ANTXR1: variants seen among roughly 807,000 people sequenced by gnomAD.
ANTXR1 encodes the protein anthrax toxin receptor 1.
ANTXR1 carries 19 observed loss-of-function variants against 78.1 expected under a neutral mutation model. The observed-to-expected ratio is 0.24, with a 90% confidence interval of 0.17 to 0.36. The LOEUF (loss-of-function observed/expected upper bound fraction) is 0.36. Among genes scored for constraint, ANTXR1 ranks in the 10% least tolerant of loss-of-function variants. The probability of loss-of-function intolerance (pLI) is 1.00; values close to 1 mark genes in which losing one functional copy is unlikely to be tolerated. For synonymous variants in ANTXR1, 273 were observed against 260.5 expected, an observed-to-expected ratio of 1.05 and a Z score of -0.46; for missense variants, 518 against 718.6, an observed-to-expected ratio of 0.72 and a Z score of 3.19.
intron 3 of ANTXR1, among the ~76,000 whole-genome samples, chr2:69,068,438 T>C (rs1284449727): frequency 6.6e-6 from 1 of 152,214 alleles, no homozygotes; most frequent in Non-Finnish European, 1.5e-5. Flanking sequence ...AACTTGGGAC[T>C]GAAGGCTGGA....
chr2:69,090,084 A>C (rs969341841), intron 8 of ANTXR1, among the ~76,000 whole-genome samples: 3 of 152,052 alleles, frequency 2.0e-5, no homozygotes, highest in Non-Finnish European at 4.4e-5. Flanking sequence ...ATTTCCATTT[A>C]ACTAAGTCTC....
At chr2:69,138,120 G>GA (rs910864191) in intron 12 of ANTXR1, among the ~76,000 whole-genome samples, 11 of 148,106 alleles carry the variant, frequency 7.4e-5, no homozygotes, top group South Asian at 4.4e-4. Context: ...AAAGAAAAAA[G>GA]AAAAAAAAAT....
chr2:69,228,885 G>A (rs1225496359), intron 17 of ANTXR1, among the ~76,000 whole-genome samples: 1 of 152,134 alleles, frequency 6.6e-6, no homozygotes, highest in African/African-American at 2.4e-5. Context: ...TGGACTGTGG[G>A]CCTTAAACAA....
At chr2:69,091,034 T>A in intron 9 of ANTXR1, 115 bp downstream of exon 9, 1 of 1,059,126 alleles carries the variant, frequency 9.4e-7, no homozygotes, top group South Asian at 1.3e-5. Context: ...AGGGGTAGGG[T>A]GAAAAGAGGA....
At chr2:69,144,173 C>T (rs755750726) in intron 12 of ANTXR1, among the ~76,000 whole-genome samples, 2 of 152,208 alleles carry the variant, frequency 1.3e-5, no homozygotes, top group African/African-American at 2.4e-5. Flanking sequence ...GCCTCCAAGG[C>T]GCCAGTCCTG....
chr2:69,060,942 A>C (rs981104039), intron 3 of ANTXR1, among the ~76,000 whole-genome samples: 1 of 152,240 alleles, frequency 6.6e-6, no homozygotes, highest in African/African-American at 2.4e-5. Flanking sequence ...ACCATCTTTG[A>C]GGAAACTGAG....
chr2:69,053,249 G>A (rs1669976501), intron 3 of ANTXR1, among the ~76,000 whole-genome samples: 1 of 152,138 alleles, frequency 6.6e-6, no homozygotes, highest in Non-Finnish European at 1.5e-5. Context: ...GATCCTTGTT[G>A]AAAATGTTAA....
rs76602459 is a variant in ANTXR1 at position 69,220,551 on chromosome 2, A to G, written c.1435-24674A>G. Among the ~76,000 whole-genome samples, 1,331 of 152,360 alleles carry G rather than the reference A, an allele frequency of 8.7e-3. 36 individuals are homozygous for G. In the East Asian group the frequency reaches 0.096, roughly 11 times the overall value. On this transcript the variant is annotated intron_variant, in intron 17 of 17. Transcript: ENST00000303714. ...CATTAAGATTACAGCTTGTATGTAG[A>G]ACATAAAAGGCCTCTTTATACTCTA...
chr2:69,224,335 T>G (rs1301967688), intron 17 of ANTXR1, among the ~76,000 whole-genome samples: 1 of 152,172 alleles, frequency 6.6e-6, no homozygotes, highest in Non-Finnish European at 1.5e-5. Flanking sequence ...TTGGTTTTTG[T>G]TGACAGAAGA....
At chr2:69,085,300 C>T (rs576462364) in intron 8 of ANTXR1, among the ~76,000 whole-genome samples, 7 of 152,202 alleles carry the variant, frequency 4.6e-5, no homozygotes, top group South Asian at 4.1e-4. Context: ...CTTTACAAAG[C>T]GGCCGACCTA....
At chr2:69,074,844 A>G (rs1482289199) in intron 6 of ANTXR1, among the ~76,000 whole-genome samples, 1 of 152,248 alleles carries the variant, frequency 6.6e-6, no homozygotes, top group Non-Finnish European at 1.5e-5. Context: ...GTAAGTGCCA[A>G]GGATTTTCAA....
At position 69,220,194 on chromosome 2, in the gene ANTXR1, A is replaced by G. The variant is rs548666224; in HGVS notation, c.1435-25031A>G. On this transcript the variant is annotated intron_variant, in intron 17 of 17. Transcript: ENST00000303714. ...AAGGCAGTCTCATGGCTGCAAAGAA[A>G]CATTGGTTCTGTGCCCTGACCTTCC... Among the ~76,000 whole-genome samples the G allele has an allele frequency of 1.5e-3, 228 of 152,240 alleles. 1 individual carries two copies. The highest frequency in any genetic ancestry group is 5.1e-3 in the African/African-American group (211 of 41,580).
intron 17 of ANTXR1, among the ~76,000 whole-genome samples, chr2:69,195,103 G>C (rs1674638068): frequency 1.3e-5 from 2 of 151,260 alleles, no homozygotes; most frequent in African/African-American, 4.9e-5. Context: ...AGGAGGCGGA[G>C]GTTGCAGTGA....
intron 17 of ANTXR1, among the ~76,000 whole-genome samples, chr2:69,198,539 A>G (rs1674709862): frequency 6.6e-6 from 1 of 152,168 alleles, no homozygotes; most frequent in Non-Finnish European, 1.5e-5. Flanking sequence ...TCCTTATGAC[A>G]TTTAAAGTCT....
intron 6 of ANTXR1, among the ~76,000 whole-genome samples, chr2:69,074,250 C>A (rs1670660836): frequency 6.6e-6 from 1 of 152,202 alleles, no homozygotes; most frequent in Admixed American, 6.5e-5. Flanking sequence ...CAGACACTCC[C>A]TGAGCATTTG....
intron 17 of ANTXR1, among the ~76,000 whole-genome samples, chr2:69,195,448 TA>T (rs1180770716): frequency 1.3e-5 from 2 of 152,180 alleles, no homozygotes; most frequent in Admixed American, 1.3e-4. Context: ...TAAAGTTTCA[TA>T]GTTTATGTGA....
At chr2:69,070,588 C>G in intron 3 of ANTXR1, 59 bp from the exon 4 acceptor site, 1 of 1,517,828 alleles carries the variant, frequency 6.6e-7, no homozygotes, top group Non-Finnish European at 9.2e-7. Flanking sequence ...GTACTTATGA[C>G]TACAACAGCA....
intron 17 of ANTXR1, among the ~76,000 whole-genome samples, chr2:69,205,746 A>C (rs1674883680): frequency 6.6e-6 from 1 of 152,188 alleles, no homozygotes; most frequent in Non-Finnish European, 1.5e-5. Flanking sequence ...GCAAGGGGAC[A>C]TCTGAATGAA....
At chr2:69,155,065 G>C (rs867147350) in intron 13 of ANTXR1, among the ~76,000 whole-genome samples, 4 of 152,204 alleles carry the variant, frequency 2.6e-5, no homozygotes, top group Non-Finnish European at 4.4e-5. Context: ...AACCTGATGG[G>C]TGAGGGTGAC....
Sources: allele counts gnomAD v4.1 joint callset (sites outside exome capture counted in the v4.1 genomes callset), GRCh38; gene constraint gnomAD v4.1.1; transcripts MANE v1.5; gene names NCBI Gene and HGNC (gene_info 2026-07-23, HGNC 2026-07-21).